DEPTOR: variants seen among roughly 807,000 people sequenced by gnomAD.
DEPTOR encodes DEP domain containing MTOR interacting protein.
A neutral mutation model predicts 41.6 loss-of-function variants in DEPTOR; 41 were observed. That is an observed-to-expected ratio of 0.98 (90% CI 0.77 to 1.28). DEPTOR has a LOEUF of 1.28. Among genes scored for constraint, DEPTOR ranks in the 50% most tolerant of loss-of-function variants. The probability of loss-of-function intolerance (pLI) is 0.00; values close to 1 mark genes in which losing one functional copy is unlikely to be tolerated. For synonymous variants in DEPTOR, 195 were observed against 192.3 expected (o/e 1.01, Z -0.12); for missense variants, 514 against 527.9 (o/e 0.97, Z 0.26).
At chr8:119,995,852 A>G (rs1812251434) in intron 4 of DEPTOR, among the ~76,000 whole-genome samples, 1 of 152,108 alleles carries the variant, frequency 6.6e-6, no homozygotes, top group South Asian at 2.1e-4. Context: ...CGTGTGATTT[A>G]TTGGTGCCAT....
intron 8 of DEPTOR, among the ~76,000 whole-genome samples, chr8:120,046,839 G>A (rs1297483461): frequency 6.6e-6 from 1 of 152,098 alleles, no homozygotes; most frequent in African/African-American, 2.4e-5. Flanking sequence ...ATAGATCAGG[G>A]ACCACAAACT....
At chr8:120,037,026 A>T (rs1254635980) in intron 8 of DEPTOR, among the ~76,000 whole-genome samples, 3 of 152,228 alleles carry the variant, frequency 2.0e-5, no homozygotes, top group Non-Finnish European at 2.9e-5. Context: ...AATGAATAAC[A>T]TCATCACTTA....
chr8:119,958,461 C>T (rs148620583), intron 3 of DEPTOR, among the ~76,000 whole-genome samples: 61 of 152,260 alleles, frequency 4.0e-4, no homozygotes, highest in African/African-American at 1.2e-3. Context: ...AAGCCAGTCA[C>T]AAAGCTAGGC....
At chr8:120,024,851 C>T (rs1447156979) in intron 8 of DEPTOR, among the ~76,000 whole-genome samples, 3 of 152,134 alleles carry the variant, frequency 2.0e-5, no homozygotes, top group South Asian at 4.2e-4. Flanking sequence ...TCCTAGGAAA[C>T]AGACACAGTG....
intron 4 of DEPTOR, among the ~76,000 whole-genome samples, chr8:119,993,246 G>A (rs915829585): frequency 7.2e-5 from 11 of 152,288 alleles, no homozygotes; most frequent in African/African-American, 2.6e-4. Flanking sequence ...ACGGTGTATA[G>A]GGATCTGTTT....
At chr8:120,047,762 G>A (rs1267690074) in intron 8 of DEPTOR, among the ~76,000 whole-genome samples, 1 of 152,126 alleles carries the variant, frequency 6.6e-6, no homozygotes, top group Non-Finnish European at 1.5e-5. Flanking sequence ...ACTAAATGCT[G>A]AGGCCAAGTG....
intron 3 of DEPTOR, among the ~76,000 whole-genome samples, chr8:119,931,141 G>A (rs1763768881): frequency 6.6e-6 from 1 of 152,020 alleles, no homozygotes. Context: ...AAACCAGGAG[G>A]CAGAGGCTGC....
intron 4 of DEPTOR, among the ~76,000 whole-genome samples, chr8:119,970,405 GAGCTACCCTGT>G (rs1828616832): frequency 6.6e-6 from 1 of 152,118 alleles, no homozygotes; most frequent in Admixed American, 6.6e-5. Flanking sequence ...TCAAGTTCCA[GAGCTACCCTGT>G]AGCTACTAGG....
At chr8:120,024,551 G>A (rs766708133) in intron 8 of DEPTOR, among the ~76,000 whole-genome samples, 44 of 152,240 alleles carry the variant, frequency 2.9e-4, no homozygotes, top group Non-Finnish European at 5.0e-4. Context: ...TCTAAGAAGG[G>A]GAAATTGGCC....
At chr8:119,912,093 G>T (rs565553103) in intron 1 of DEPTOR, among the ~76,000 whole-genome samples, 1 of 152,288 alleles carries the variant, frequency 6.6e-6, no homozygotes, top group East Asian at 1.9e-4. Context: ...GATCATATCT[G>T]TTGGATGAAA....
intron 8 of DEPTOR, among the ~76,000 whole-genome samples, chr8:120,019,419 T>C (rs1038815598): frequency 2.0e-5 from 3 of 152,200 alleles, no homozygotes; most frequent in African/African-American, 7.2e-5. Context: ...CATCTCTCCC[T>C]CCAGAGACCC....
intron 3 of DEPTOR, among the ~76,000 whole-genome samples, chr8:119,945,574 C>T (rs1586626938): frequency 1.3e-5 from 2 of 152,204 alleles, no homozygotes; most frequent in African/African-American, 4.8e-5. Context: ...ATGGCATAGG[C>T]TCTTCACTTT....
chr8:119,973,980 CAT>C (rs1828664759), intron 4 of DEPTOR, among the ~76,000 whole-genome samples: 1 of 151,964 alleles, frequency 6.6e-6, no homozygotes, highest in Non-Finnish European at 1.5e-5. Context: ...CTAGAGGCCA[CAT>C]CCAGACAGAA....
Position 119,990,846 on chromosome 8 carries a change from G to A in DEPTOR, c.605-10679G>A, listed in dbSNP as rs1475481609. Among the ~76,000 whole-genome samples the A allele has an allele frequency of 3.9e-5, 6 of 152,128 alleles. No individual in the cohort carries two copies. The East Asian group carries it at 1.2e-3, about 29-fold the overall frequency. On this transcript the variant is annotated intron_variant, in intron 4 of 8. Coordinates refer to ENST00000286234, the MANE Select transcript of DEPTOR (RefSeq NM_022783.4). The stretch of plus-strand genomic sequence containing the variant: ...CACTGTTGTTATTGCCTTTTGGAGA[G>A]TTTTGTATCCCAAGCAGCTAGCACC...
At chr8:119,904,965 CTTTTTTTTTT>C (rs71304920) in intron 1 of DEPTOR, among the ~76,000 whole-genome samples, 2 of 85,970 alleles carry the variant, frequency 2.3e-5, no homozygotes, top group Admixed American at 1.8e-4. Flanking sequence ...CTAATTTTTG[CTTTTTTTTTT>C]TTTTTTTTTT....
intron 3 of DEPTOR, among the ~76,000 whole-genome samples, chr8:119,946,025 C>T (rs773827275): frequency 1.3e-4 from 20 of 152,056 alleles, no homozygotes; most frequent in Non-Finnish European, 2.4e-4. Context: ...GTTGGTCGGG[C>T]GCTTTGTTGT....
At chr8:119,996,382 G>C (rs952480109) in intron 4 of DEPTOR, among the ~76,000 whole-genome samples, 1 of 152,252 alleles carries the variant, frequency 6.6e-6, no homozygotes, top group Middle Eastern at 3.4e-3. Context: ...AATGTATTTG[G>C]CATTATGCTG....
chr8:120,043,261 G>C (rs1430017942), intron 8 of DEPTOR, among the ~76,000 whole-genome samples: 1 of 152,010 alleles, frequency 6.6e-6, no homozygotes. Flanking sequence ...TTACAGGCAT[G>C]AGCCACCGTG....
At chr8:119,925,259 A>G (rs1233692923) in intron 1 of DEPTOR, among the ~76,000 whole-genome samples, 6 of 152,070 alleles carry the variant, frequency 3.9e-5, no homozygotes, top group Non-Finnish European at 7.4e-5. Flanking sequence ...GAGTGGTGGT[A>G]CACACCTGTA....
Sources: allele counts gnomAD v4.1 joint callset (sites outside exome capture counted in the v4.1 genomes callset), GRCh38; gene constraint gnomAD v4.1.1; transcripts MANE v1.5; gene names NCBI Gene and HGNC (gene_info 2026-07-23, HGNC 2026-07-21).